The following ZNF621 variants were observed in gnomAD, a reference collection of about 807,000 sequenced individuals.
The protein encoded by ZNF621 is zinc finger protein 621.
Under a neutral mutation model 12.7 loss-of-function variants are expected in ZNF621, and 6 were observed. That is an observed-to-expected ratio of 0.47 (90% CI 0.26 to 0.93). The LOEUF is 0.93. Among genes scored for constraint, ZNF621 ranks in the 40% least tolerant of loss-of-function variants. The probability of loss-of-function intolerance (pLI) is 0.15; values close to 1 mark genes in which losing one functional copy is unlikely to be tolerated. For missense variants in ZNF621, 474 were observed against 524.0 expected, an observed-to-expected ratio of 0.90 and a Z score of 0.93; for synonymous variants, 156 against 190.3, an observed-to-expected ratio of 0.82 and a Z score of 1.48.
At chr3:40,530,143 G>A (rs1346654362) in intron 3 of ZNF621, 66 bp from the exon 4 acceptor site, 21 of 1,405,856 alleles carry the variant, frequency 1.5e-5, no homozygotes, top group Non-Finnish European at 2.1e-5. Context: ...AGGGTGGGCT[G>A]AGAAAGATCC....
chr3:40,533,789 A>T lies in ZNF621; in HGVS notation c.*699A>T, dbSNP rs1485935489. 6.6e-6 allele frequency: 1 copy of T among 152,574 alleles called. No individual in the cohort carries two copies. Among genetic ancestry groups the T allele is most frequent in the Non-Finnish European group, 1.5e-5 (1 of 68,274 alleles). The allele number at this position is 152,574 out of a possible 1,614,324, so 9.5% of individuals were successfully genotyped here. A position where few individuals can be genotyped will look rare whatever the true frequency, so the allele number is the denominator to read the frequency against. ...TAGAGAATTGGAATAAGCTTCCAACAATGGACTGTAGAGATTAATGGAGAT... is the reference window on the plus strand; with the variant it reads ...TAGAGAATTGGAATAAGCTTCCAACTATGGACTGTAGAGATTAATGGAGAT... On this transcript the variant is annotated 3_prime_UTR_variant, in exon 5 of 5. Coordinates refer to ENST00000339296, the MANE Select transcript of ZNF621 (RefSeq NM_198484.5).
At position 40,537,777 on chromosome 3, in the gene ZNF621, G is replaced by T; in HGVS notation, c.*4687G>T. ...TTGAAGCTAGCAGAGGTTGGTTCAT[G>T]AGGTTTAAGAAGTCATCTTATCATA... On this transcript the variant is annotated 3_prime_UTR_variant, in exon 5 of 5. Coordinates refer to ENST00000339296, the MANE Select transcript of ZNF621 (RefSeq NM_198484.5). 1 of 170,168 alleles carries T rather than the reference G, an allele frequency of 5.9e-6. No individual in the cohort carries two copies. The highest frequency in any genetic ancestry group is 1.7e-4 in the South Asian group (1 of 5,966). The allele number at this position is 170,168 out of a possible 1,614,324, so 10.5% of individuals were successfully genotyped here. A position where few individuals can be genotyped will look rare whatever the true frequency, so the allele number is the denominator to read the frequency against.
chr3:40,529,713 C>CCT lies in ZNF621; in HGVS notation c.151+269_151+270dup. 3 of 793,438 alleles carry CCT rather than the reference C, an allele frequency of 3.8e-6. No homozygotes were observed. The South Asian group carries it at 4.7e-5, about 12-fold the overall frequency. 49.1% of individuals were successfully genotyped at this position (793,438 alleles called of 1,614,324 possible). A position where few individuals can be genotyped will look rare whatever the true frequency, so the allele number is the denominator to read the frequency against. Reference sequence around the variant, plus strand: ...CCATGGCTCACTGCAGCCTCCAACTCCTGGGCTCAAGCAATTCTCCTATTT... The same window carrying CCT: ...CCATGGCTCACTGCAGCCTCCAACTCCTCTGGGCTCAAGCAATTCTCCTATTT... On this transcript the variant is annotated intron_variant, in intron 3 of 4. Transcript: ENST00000339296.
rs1383975092 is a variant in ZNF621 at position 40,535,270 on chromosome 3, C to G, written c.*2180C>G. 1 of 152,240 alleles carries G rather than the reference C, an allele frequency of 6.6e-6. No individual in the cohort carries two copies. Among genetic ancestry groups the G allele is most frequent in the East Asian group, 1.9e-4 (1 of 5,198 alleles). 9.4% of individuals were successfully genotyped at this position (152,240 alleles called of 1,614,324 possible). Reference sequence around the variant, plus strand: ...CGTATTCTCAGTCACTTCCACTAAACAGTGCCAGTGTTTTAAGGTTCTGTC... The same window carrying G: ...CGTATTCTCAGTCACTTCCACTAAAGAGTGCCAGTGTTTTAAGGTTCTGTC... On this transcript the variant is annotated 3_prime_UTR_variant, in exon 5 of 5. Coordinates refer to ENST00000339296, the MANE Select transcript of ZNF621 (RefSeq NM_198484.5).
At chr3:40,531,842 G>T (rs932791823) in intron 4 of ZNF621, among the ~76,000 whole-genome samples, 188 bp from the exon 5 acceptor site, 5 of 152,152 alleles carry the variant, frequency 3.3e-5, no homozygotes, top group African/African-American at 7.2e-5. Flanking sequence ...AACATTACAG[G>T]CATGAGCCAC....
chr3:40,527,122 A>G (rs1423525813), intron 2 of ZNF621, among the ~76,000 whole-genome samples: 1 of 152,008 alleles, frequency 6.6e-6, no homozygotes, highest in Non-Finnish European at 1.5e-5. Context: ...TGTTCAAGTG[A>G]TTCTCCTGCC....
At position 40,525,853 on chromosome 3, in the gene ZNF621, A is replaced by G. The variant is rs776332586; in HGVS notation, c.13A>G (p.Thr5Ala). Residue 5 changes from threonine (T) to alanine (A), a missense_variant, in exon 2 of 5, where the codon ACT becomes GCT. Physicochemically the swap from Thr to Ala is moderately conservative, Grantham distance 58. Coordinates refer to ENST00000339296, the MANE Select transcript of ZNF621 (RefSeq NM_198484.5). MLQT[T>A]WPQESVTFED... ...GGGGACATCCGCCATGCTCCAAACA[A>G]CTTGGCCTCAGGTGAGCTGAGCTTC... is the stretch of plus-strand genomic sequence containing the variant. The G allele has an allele frequency of 4.3e-6, 7 of 1,613,854 alleles. No individual in the cohort carries two copies. The highest frequency in any genetic ancestry group is 5.9e-6 in the Non-Finnish European group (7 of 1,180,008).
In ZNF621 at chr3:40,534,207, G is replaced by T. The variant is rs1698807106; in HGVS notation, c.*1117G>T. The T allele has an allele frequency of 6.6e-6, 1 of 151,678 alleles. No individual in the cohort carries two copies. Among genetic ancestry groups the T allele is most frequent in the East Asian group, 1.9e-4 (1 of 5,166 alleles). The allele number at this position is 151,678 out of a possible 1,614,324, so 9.4% of individuals were successfully genotyped here. A position where few individuals can be genotyped will look rare whatever the true frequency, so the allele number is the denominator to read the frequency against. ...TAATTACTAAAGAAATAAAAATAATGGTGTAAAGCCAACTCGAGGGGAATC... is the reference window on the plus strand; with the variant it reads ...TAATTACTAAAGAAATAAAAATAATTGTGTAAAGCCAACTCGAGGGGAATC... On this transcript the variant is annotated 3_prime_UTR_variant, in exon 5 of 5. Coordinates refer to ENST00000339296, the MANE Select transcript of ZNF621 (RefSeq NM_198484.5).
intron 2 of ZNF621, 116 bp downstream of exon 2, chr3:40,525,980 C>G: frequency 1.7e-6 from 2 of 1,203,186 alleles, no homozygotes; most frequent in East Asian, 5.0e-5. Context: ...GCTGTGTTTT[C>G]CCCTTTGTAT....
chr3:40,529,379 G>T lies in ZNF621; in HGVS notation c.85G>T (p.Asp29Tyr), dbSNP rs764224253. The part of the protein sequence containing the change: ...YFTQNQWASL[D>Y]PAQRALYGEV... ...CACCCAGAATCAATGGGCCAGCCTCGACCCTGCGCAGAGGGCCCTGTACGG... is the reference window on the plus strand; with the variant it reads ...CACCCAGAATCAATGGGCCAGCCTCTACCCTGCGCAGAGGGCCCTGTACGG... Residue 29 changes from aspartate to tyrosine, a missense_variant, in exon 3 of 5, where the codon GAC (aspartate) becomes TAC (tyrosine). Transcript: ENST00000339296. The T allele has an allele frequency of 3.1e-6, 5 of 1,613,806 alleles. No individual in the cohort carries two copies. The highest frequency in any genetic ancestry group is 4.2e-6 in the Non-Finnish European group (5 of 1,179,898).
At position 40,538,667 on chromosome 3, in the gene ZNF621, A is replaced by G. The variant is rs1698928704; in HGVS notation, c.*5577A>G. On this transcript the variant is annotated 3_prime_UTR_variant, in exon 5 of 5. Transcript: ENST00000339296. Reference sequence around the variant, plus strand: ...CCATTACTCCATGGGTCAAGGAGTAATTTTGACTTTCAAGTATTATTTAAG... The same window carrying G: ...CCATTACTCCATGGGTCAAGGAGTAGTTTTGACTTTCAAGTATTATTTAAG... 1 of 152,516 alleles carries G rather than the reference A, an allele frequency of 6.6e-6. No homozygotes were observed. The highest frequency in any genetic ancestry group is 2.4e-5 in the African/African-American group (1 of 41,452). 9.4% of individuals were successfully genotyped at this position (152,516 alleles called of 1,614,324 possible).
intron 4 of ZNF621, among the ~76,000 whole-genome samples, chr3:40,531,803 A>G (rs1484360592): frequency 6.6e-6 from 1 of 152,126 alleles, no homozygotes; most frequent in African/African-American, 2.4e-5. Flanking sequence ...AGCTCAAGCC[A>G]TCCGCCTGCC....
chr3:40,524,348 T>C (rs545052715), upstream of ZNF621, among the ~76,000 whole-genome samples: 1 of 152,332 alleles, frequency 6.6e-6, no homozygotes, highest in Admixed American at 6.5e-5. Flanking sequence ...CCTCCCAAAG[T>C]CAACACAGGA....
At position 40,537,480 on chromosome 3, in the gene ZNF621, G is replaced by C. The variant is rs966951539; in HGVS notation, c.*4390G>C. 1 of 152,326 alleles carries C rather than the reference G, an allele frequency of 6.6e-6. No individual in the cohort carries two copies. The highest frequency in any genetic ancestry group is 2.4e-5 in the African/African-American group (1 of 41,446). The allele number at this position is 152,326 out of a possible 1,614,324, so 9.4% of individuals were successfully genotyped here. ...TAGCTGGGTGTGGTTGTGCATGCCT[G>C]TAGTCCGATCTACTTGGGAGGCTGA... is the stretch of plus-strand genomic sequence containing the variant. On this transcript the variant is annotated 3_prime_UTR_variant, in exon 5 of 5. Coordinates refer to ENST00000339296, the MANE Select transcript of ZNF621 (RefSeq NM_198484.5).
rs1698691049 is a variant in ZNF621 at position 40,530,240 on chromosome 3, C to T, written c.183C>T (p.Ile61=). The T allele has an allele frequency of 6.2e-7, 1 of 1,613,942 alleles. No homozygotes were observed. The highest frequency in any genetic ancestry group is 1.7e-5 in the Admixed American group (1 of 60,016). ...TTCCATTCCCCAAACCTGCTCTGAT[C>T]TCCCACCTGGAGAGAGGGGAAGCAC... ...VAFPFPKPAL[I]SHLERGEAPW... is the part of the protein sequence containing the mutation. Residue 61 remains isoleucine (I), a synonymous_variant, in exon 4 of 5, where the codon ATC becomes ATT. Transcript: ENST00000339296.
At chr3:40,524,176 A>G (rs1203599638), upstream of ZNF621, among the ~76,000 whole-genome samples, 1 of 152,232 alleles carries the variant, frequency 6.6e-6, no homozygotes, top group Non-Finnish European at 1.5e-5. Flanking sequence ...AGAACAGACC[A>G]TAAAGGTCTG....
intron 4 of ZNF621, among the ~76,000 whole-genome samples, chr3:40,530,746 T>C (rs749279546): frequency 4.6e-5 from 7 of 152,190 alleles, no homozygotes; most frequent in Non-Finnish European, 1.0e-4. Context: ...AAGAATGGCT[T>C]TAATTTGCCT....
intron 1 of ZNF621, 155 bp downstream of exon 1, chr3:40,525,429 GTTCT>G (rs1698553417): frequency 3.5e-6 from 1 of 283,558 alleles, no homozygotes; most frequent in African/African-American, 2.3e-5. Flanking sequence ...TTCTCCTGAG[GTTCT>G]TTCTTTTGGG....
At position 40,536,791 on chromosome 3, in the gene ZNF621, C is replaced by G. The variant is rs1277690199; in HGVS notation, c.*3701C>G. On this transcript the variant is annotated 3_prime_UTR_variant, in exon 5 of 5. Coordinates refer to ENST00000339296, the MANE Select transcript of ZNF621 (RefSeq NM_198484.5). ...AGGTTTGTGGCAGGCCTGTGTTGAG[C>G]AAGACTATCAGTGCCATTTTTTTTC... is the stretch of plus-strand genomic sequence containing the variant. The G allele has an allele frequency of 6.6e-6, 1 of 152,158 alleles. No homozygotes were observed. Among genetic ancestry groups the G allele is most frequent in the Non-Finnish European group, 1.5e-5 (1 of 68,030 alleles). 9.4% of individuals were successfully genotyped at this position (152,158 alleles called of 1,614,324 possible).
Sources: allele counts gnomAD v4.1 joint callset (sites outside exome capture counted in the v4.1 genomes callset), GRCh38; gene constraint gnomAD v4.1.1; transcripts MANE v1.5; gene names NCBI Gene and HGNC (gene_info 2026-07-23, HGNC 2026-07-21).